Variants in TAF4B observed in about 807,000 individuals in gnomAD.
TAF4B encodes TATA-box binding protein associated factor 4b, also known as transcription initiation factor TFIID subunit 4B.
TAF4B carries 38 observed loss-of-function variants against 86.4 expected under a neutral mutation model. That is an observed-to-expected ratio of 0.44 (90% CI 0.34 to 0.58). The LOEUF is 0.58. Among genes scored for constraint, TAF4B ranks in the 20% least tolerant of loss-of-function variants. The pLI is 0.02. For synonymous variants in TAF4B, 388 were observed against 391.2 expected, an observed-to-expected ratio of 0.99 and a Z score of 0.10; for missense variants, 988 against 1,027.6, an observed-to-expected ratio of 0.96 and a Z score of 0.53.
intron 6 of TAF4B, among the ~76,000 whole-genome samples, chr18:26,284,419 T>C (rs1568127068): frequency 6.6e-6 from 1 of 152,234 alleles, no homozygotes; most frequent in Non-Finnish European, 1.5e-5. Context: ...CAGGAATTTT[T>C]CCTTTGCATT....
chr18:26,326,295 G>A (rs1209491115), intron 11 of TAF4B, among the ~76,000 whole-genome samples: 2 of 152,182 alleles, frequency 1.3e-5, no homozygotes, highest in Non-Finnish European at 2.9e-5. Flanking sequence ...CCACAGAATA[G>A]ATTGAGCAAT....
chr18:26,382,475 C>A (rs1485494008), intron 14 of TAF4B, among the ~76,000 whole-genome samples: 1 of 151,844 alleles, frequency 6.6e-6, no homozygotes, highest in Non-Finnish European at 1.5e-5. Flanking sequence ...AGAAAATAGT[C>A]TTTTGAACAA....
At chr18:26,302,907 A>T (rs2056752362) in intron 9 of TAF4B, among the ~76,000 whole-genome samples, 1 of 151,618 alleles carries the variant, frequency 6.6e-6, no homozygotes, top group Admixed American at 6.6e-5. Context: ...AATCTTTTTT[A>T]TCTCTATTTC....
chr18:26,226,619 C>G lies in TAF4B; in HGVS notation c.-315C>G, dbSNP rs964334812. 11 of 257,418 alleles carry G rather than the reference C, an allele frequency of 4.3e-5. No individual in the cohort carries two copies. The Admixed American group carries it at 4.9e-4, about 12-fold the overall frequency. The allele number at this position is 257,418 out of a possible 1,614,324, so 15.9% of individuals were successfully genotyped here. Reference sequence around the variant, plus strand: ...CGGGAGCCGCAAGTCCAGGCTCCCCCGCAGCGGGACCCGAGCCTGAGGCGC... The same window carrying G: ...CGGGAGCCGCAAGTCCAGGCTCCCCGGCAGCGGGACCCGAGCCTGAGGCGC... On this transcript the variant is annotated 5_prime_UTR_variant, in exon 1 of 15. Transcript: ENST00000269142.
At chr18:26,324,769 T>C (rs1226869478) in intron 11 of TAF4B, among the ~76,000 whole-genome samples, 1 of 152,164 alleles carries the variant, frequency 6.6e-6, no homozygotes, top group East Asian at 1.9e-4. Flanking sequence ...TACATTTGCG[T>C]ATATATAAAA....
intron 3 of TAF4B, 107 bp downstream of exon 3, chr18:26,267,730 G>A (rs538398585): frequency 1.5e-4 from 109 of 744,722 alleles, no homozygotes; most frequent in Admixed American, 2.2e-4. Context: ...ATTGAAGATA[G>A]CAATTCAGTA....
chr18:26,249,471 C>G (rs2055972396), intron 1 of TAF4B, among the ~76,000 whole-genome samples: 4 of 148,754 alleles, frequency 2.7e-5, no homozygotes, highest in Admixed American at 1.3e-4. Flanking sequence ...AACTCTCTCT[C>G]TCTCTCAAAA....
intron 9 of TAF4B, chr18:26,304,703 C>T (rs753906089): frequency 1.0e-6 from 1 of 984,952 alleles, no homozygotes; most frequent in African/African-American, 1.7e-5. Context: ...CAGTCATTTG[C>T]CCTTGAGGCA....
At chr18:26,260,282 T>A (rs2056145711) in intron 1 of TAF4B, among the ~76,000 whole-genome samples, 1 of 152,226 alleles carries the variant, frequency 6.6e-6, no homozygotes, top group East Asian at 1.9e-4. Context: ...GCTCTTTAGT[T>A]TAATAAGATC....
chr18:26,275,073 C>T lies in TAF4B; in HGVS notation c.882+20C>T, dbSNP rs746775526. On this transcript the variant is annotated intron_variant, in intron 5 of 14. Transcript: ENST00000269142. ...CTTTTGGTAAGTAGTGCTATAAAAT[C>T]CTGCAAATTCTGGAGGAATCCATAT... 11 of 1,587,516 alleles carry T rather than the reference C, an allele frequency of 6.9e-6. No homozygotes were observed. The East Asian group carries it at 1.8e-4, about 26-fold the overall frequency.
chr18:26,381,328 T>C (rs2057476991), intron 14 of TAF4B, among the ~76,000 whole-genome samples: 1 of 152,058 alleles, frequency 6.6e-6, no homozygotes, highest in South Asian at 2.1e-4. Context: ...TTATTTTTTT[T>C]AATGGTTGCT....
At chr18:26,308,389 T>C (rs2051403719) in intron 9 of TAF4B, among the ~76,000 whole-genome samples, 2 of 152,162 alleles carry the variant, frequency 1.3e-5, no homozygotes, top group South Asian at 4.1e-4. Flanking sequence ...AATTTATCTG[T>C]GTACTTTAGT....
chr18:26,327,079 A>G lies in TAF4B; in HGVS notation c.2198A>G (p.Asp733Gly). 2 of 1,613,740 alleles carry G rather than the reference A, an allele frequency of 1.2e-6. No homozygotes were observed. The highest frequency in any genetic ancestry group is 2.2e-5 in the South Asian group (2 of 91,070). ...RSQLKFLEKLDQLEKQRKDLE... is the reference protein window; with the variant it reads ...RSQLKFLEKLGQLEKQRKDLE... ...CAGCTCAAATTTCTTGAAAAGCTGG[A>G]TCAATTGGAGAAGCAGAGAAAGGAT... Residue 733 changes from aspartate to glycine, a missense_variant, in exon 12 of 15, where the codon GAT becomes GGT. Physicochemically the swap from Asp to Gly is moderately conservative, Grantham distance 94. Around this residue, in one of 3 missense-constraint regions of TAF4B, gnomAD observed 216 missense variants for 238.4 expected, o/e 0.91. Transcript: ENST00000269142.
chr18:26,228,212 C>T (rs1462164521), intron 1 of TAF4B, among the ~76,000 whole-genome samples: 1 of 152,138 alleles, frequency 6.6e-6, no homozygotes, highest in Non-Finnish European at 1.5e-5. Context: ...CTGAAAGTCT[C>T]TTGGAGTTTG....
At chr18:26,244,680 G>C (rs1327429950) in intron 1 of TAF4B, among the ~76,000 whole-genome samples, 1 of 152,154 alleles carries the variant, frequency 6.6e-6, no homozygotes, top group East Asian at 1.9e-4. Context: ...GACTGGAGCT[G>C]TTCCTATTCG....
chr18:26,232,221 C>T (rs563428632), intron 1 of TAF4B, among the ~76,000 whole-genome samples: 2 of 152,180 alleles, frequency 1.3e-5, no homozygotes, highest in South Asian at 4.1e-4. Flanking sequence ...TCTCAATCTC[C>T]CCCCACCCCC....
chr18:26,234,802 C>T (rs75100250), intron 1 of TAF4B, among the ~76,000 whole-genome samples: 11,587 of 152,214 alleles, frequency 0.076, 546 homozygotes, highest in Non-Finnish European at 0.1. Flanking sequence ...TTTGAAGCAC[C>T]GGTCCCTTAA....
At chr18:26,234,476 C>G (rs747657106) in intron 1 of TAF4B, among the ~76,000 whole-genome samples, 1 of 152,156 alleles carries the variant, frequency 6.6e-6, no homozygotes, top group Non-Finnish European at 1.5e-5. Flanking sequence ...CACATTTATT[C>G]TTTTTTCCTT....
intron 9 of TAF4B, among the ~76,000 whole-genome samples, chr18:26,296,283 ATTCC>A (rs1261243428): frequency 2.0e-5 from 3 of 151,778 alleles, no homozygotes; most frequent in Non-Finnish European, 4.4e-5. Flanking sequence ...TTTGCCTTTT[ATTCC>A]TTCCAAGAAT....
Sources: allele counts gnomAD v4.1 joint callset (sites outside exome capture counted in the v4.1 genomes callset), GRCh38; gene constraint gnomAD v4.1.1; regional missense constraint gnomAD v4.1.1; transcripts MANE v1.5; gene names NCBI Gene and HGNC (gene_info 2026-07-23, HGNC 2026-07-21).